The following CFAP299 variants were observed in gnomAD, a reference collection of about 807,000 sequenced individuals.
The protein encoded by CFAP299 is cilia- and flagella-associated protein 299.
CFAP299 carries 21 observed loss-of-function variants against 27.0 expected under a neutral mutation model. The ratio of observed to expected loss-of-function variants is 0.78; its 90% CI spans 0.55 to 1.12. CFAP299 has a LOEUF of 1.12. Among genes scored for constraint, CFAP299 ranks in the 50% most tolerant of loss-of-function variants. The probability of loss-of-function intolerance (pLI) is 0.00; values close to 1 mark genes in which losing one functional copy is unlikely to be tolerated. For synonymous variants in CFAP299, 104 were observed against 98.1 expected (o/e 1.06, Z -0.36); for missense variants, 310 against 276.6 (o/e 1.12, Z -0.86).
At position 80,637,541 on chromosome 4, in the gene CFAP299, A is replaced by T. The variant is rs867874236; in HGVS notation, c.333+54358A>T. Among the ~76,000 whole-genome samples the T allele has an allele frequency of 2.6e-4, 40 of 152,288 alleles. 1 individual carries two copies. Among genetic ancestry groups the T allele is most frequent in the African/African-American group, 8.9e-4 (37 of 41,564 alleles). The stretch of plus-strand genomic sequence containing the variant: ...GTCATGCAACCCAAAGATCGAGTTT[A>T]AAGTTAAAATTAAAGAGGAATTCCC... On this transcript the variant is annotated intron_variant, in intron 3 of 5. Transcript: ENST00000358105.
At chr4:80,940,957 A>T (rs1737164502) in intron 4 of CFAP299, among the ~76,000 whole-genome samples, 1 of 152,174 alleles carries the variant, frequency 6.6e-6, no homozygotes, top group Non-Finnish European at 1.5e-5. Flanking sequence ...GATAATTCAG[A>T]ATATACAGTT....
At chr4:80,326,001 T>C in the CFAP299 span, among the ~76,000 whole-genome samples, 1 of 152,236 alleles carries the variant, frequency 6.6e-6, no homozygotes, top group Non-Finnish European at 1.5e-5. Context: ...GATAGTCTTA[T>C]TCAAAAATTA....
chr4:80,736,652 G>A (rs574396666), intron 3 of CFAP299, among the ~76,000 whole-genome samples: 81 of 152,254 alleles, frequency 5.3e-4, no homozygotes, highest in African/African-American at 1.8e-3. Context: ...TCATTAAAAA[G>A]TCAGGAAACA....
chr4:80,843,327 G>A (rs1182997293), intron 3 of CFAP299, among the ~76,000 whole-genome samples: 2 of 151,968 alleles, frequency 1.3e-5, no homozygotes, highest in Non-Finnish European at 2.9e-5. Context: ...GAGAACATGC[G>A]GTGTTTGGAT....
rs1408141363 is a variant in CFAP299 at position 80,955,013 on chromosome 4, A to C, written c.607-8504A>C. Among the ~76,000 whole-genome samples, 22 of 133,476 alleles carry C rather than the reference A, an allele frequency of 1.6e-4. 4 individuals are homozygous for C. In the South Asian group the frequency reaches 3.2e-3, roughly 19 times the overall value. 87.6% of individuals were successfully genotyped at this position (133,476 alleles called of 152,430 possible). ...AGACTCCATCAAAAAAAAAAAAAAA[A>C]AAAAAAAAAAAAAAAAAAAAACGCA... On this transcript the variant is annotated intron_variant, in intron 5 of 5. Transcript: ENST00000358105.
chr4:80,475,428 T>G (rs1215930597), intron 2 of CFAP299, among the ~76,000 whole-genome samples: 3 of 151,870 alleles, frequency 2.0e-5, no homozygotes, highest in Non-Finnish European at 4.4e-5. Context: ...GGAAATAGAG[T>G]GGCAGGACAT....
At chr4:80,654,152 A>G (rs1325242489) in intron 3 of CFAP299, among the ~76,000 whole-genome samples, 1 of 152,146 alleles carries the variant, frequency 6.6e-6, no homozygotes, top group Non-Finnish European at 1.5e-5. Context: ...AAGCTTAAAG[A>G]TTAATATGAT....
At chr4:80,567,124 T>A (rs1405461832) in intron 2 of CFAP299, among the ~76,000 whole-genome samples, 1 of 152,052 alleles carries the variant, frequency 6.6e-6, no homozygotes, top group Admixed American at 6.6e-5. Flanking sequence ...AGATAGAAAA[T>A]GAGAAGAAAC....
intron 3 of CFAP299, among the ~76,000 whole-genome samples, chr4:80,654,039 C>T (rs1043467855): frequency 6.6e-6 from 1 of 152,120 alleles, no homozygotes; most frequent in African/African-American, 2.4e-5. Flanking sequence ...GATGCTTGCT[C>T]TGCAGTTATG....
rs772863648 is a variant in CFAP299, at chr4:80,944,801, T to C, written c.477-9T>C. 14 of 1,580,360 alleles carry C rather than the reference T, an allele frequency of 8.9e-6. No homozygotes were observed. The highest frequency in any genetic ancestry group is 1.2e-5 in the Non-Finnish European group (14 of 1,160,402). ...CATCTTAATTCCTAATAAATGTTTA[T>C]TTTTATAGCTTTTACAACTGGGACG... On this transcript the variant is annotated splice_polypyrimidine_tract_variant and intron_variant, in intron 4 of 5. Coordinates refer to ENST00000358105, the MANE Select transcript of CFAP299 (RefSeq NM_152770.3).
intron 3 of CFAP299, among the ~76,000 whole-genome samples, chr4:80,853,004 G>A (rs892123538): frequency 2.0e-5 from 3 of 151,520 alleles, no homozygotes; most frequent in South Asian, 2.1e-4. Context: ...GAGAAAGAAA[G>A]GCAATTTATT....
chr4:80,782,712 A>G lies in CFAP299; in HGVS notation c.334-87281A>G, dbSNP rs534001055. 1.4e-3 allele frequency among the ~76,000 whole-genome samples: 195 copies of G among 134,628 alleles called. 19 individuals are homozygous for G. The highest frequency in any genetic ancestry group is 2.5e-3 in the Non-Finnish European group (155 of 62,212). 88.3% of individuals were successfully genotyped at this position (134,628 alleles called of 152,430 possible). On this transcript the variant is annotated intron_variant, in intron 3 of 5. Transcript: ENST00000358105. Reference sequence around the variant, plus strand: ...TATATAATATATTCATATATAATATACATATATGAATATATAATATATTCA... The same window carrying G: ...TATATAATATATTCATATATAATATGCATATATGAATATATAATATATTCA...
At chr4:80,903,313 T>A (rs1735019772) in intron 4 of CFAP299, among the ~76,000 whole-genome samples, 1 of 152,034 alleles carries the variant, frequency 6.6e-6, no homozygotes, top group South Asian at 2.1e-4. Flanking sequence ...AAATTCCAGA[T>A]AAATTGGGGA....
chr4:80,768,920 A>G (rs749741208), intron 3 of CFAP299, among the ~76,000 whole-genome samples: 2 of 152,216 alleles, frequency 1.3e-5, no homozygotes, highest in Non-Finnish European at 2.9e-5. Context: ...AGCATATGCT[A>G]TGATAGCTCA....
chr4:80,864,442 A>G (rs928105480), intron 3 of CFAP299, among the ~76,000 whole-genome samples: 23 of 146,524 alleles, frequency 1.6e-4, no homozygotes, highest in African/African-American at 5.5e-4. Flanking sequence ...ATATATATAT[A>G]TATATACCTA....
At chr4:80,447,127 TTTG>T (rs1227571134) in intron 2 of CFAP299, among the ~76,000 whole-genome samples, 5 of 115,958 alleles carry the variant, frequency 4.3e-5, no homozygotes, top group East Asian at 2.6e-4. Context: ...TTGTTTTTTT[TTTG>T]TTTTTTTTTT....
chr4:80,322,648 T>TTTCA, the CFAP299 span, among the ~76,000 whole-genome samples: 10 of 152,316 alleles, frequency 6.6e-5, no homozygotes, highest in African/African-American at 1.9e-4. Flanking sequence ...TAAGAAACTT[T>TTTCA]GAGTTTTCAG....
intron 3 of CFAP299, among the ~76,000 whole-genome samples, chr4:80,600,224 T>C (rs1043774399): frequency 6.6e-6 from 1 of 152,160 alleles, no homozygotes; most frequent in Non-Finnish European, 1.5e-5. Context: ...GCAGAACTTT[T>C]TCCCACCTGT....
intron 2 of CFAP299, among the ~76,000 whole-genome samples, chr4:80,399,805 G>A (rs1369009900): frequency 1.1e-4 from 16 of 151,974 alleles, no homozygotes; most frequent in Admixed American, 3.3e-4. Flanking sequence ...AAACCTGCAC[G>A]TTGTGCACGT....
Sources: allele counts gnomAD v4.1 joint callset (sites outside exome capture counted in the v4.1 genomes callset), GRCh38; gene constraint gnomAD v4.1.1; transcripts MANE v1.5; gene names NCBI Gene and HGNC (gene_info 2026-07-23, HGNC 2026-07-21).